Variants in SLCO3A1 observed in about 807,000 individuals in gnomAD.
SLCO3A1 encodes PGE1 transporter.
A neutral mutation model predicts 63.1 loss-of-function variants in SLCO3A1; 27 were observed. The observed-to-expected ratio is 0.43, with a 90% confidence interval of 0.32 to 0.59. The LOEUF is 0.59. SLCO3A1 is among the 20% of genes least tolerant of loss of function. The pLI is 0.09. For synonymous variants in SLCO3A1, 473 were observed against 409.9 expected (o/e 1.15, Z -1.86); for missense variants, 773 against 945.8 (o/e 0.82, Z 2.40).
intron 2 of SLCO3A1, among the ~76,000 whole-genome samples, chr15:92,021,397 CAG>C (rs1597229389): frequency 6.6e-6 from 1 of 152,164 alleles, no homozygotes; most frequent in African/African-American, 2.4e-5. Flanking sequence ...GAGACTGTTT[CAG>C]AGAGAGACAA....
intron 7 of SLCO3A1, among the ~76,000 whole-genome samples, chr15:92,142,039 C>G (rs2048140667): frequency 6.6e-6 from 1 of 152,226 alleles, no homozygotes; most frequent in Admixed American, 6.5e-5. Flanking sequence ...ACTCTGGCAT[C>G]TCCTACCCAG....
At chr15:92,019,005 C>G (rs1317926896) in intron 2 of SLCO3A1, among the ~76,000 whole-genome samples, 1 of 152,148 alleles carries the variant, frequency 6.6e-6, no homozygotes, top group African/African-American at 2.4e-5. Flanking sequence ...TGAACTGTTG[C>G]TGTGAACTCT....
chr15:91,934,065 G>T (rs1252397856), intron 2 of SLCO3A1, among the ~76,000 whole-genome samples: 2 of 152,090 alleles, frequency 1.3e-5, no homozygotes, highest in African/African-American at 2.4e-5. Context: ...GTTATTTCAT[G>T]GATGCTCAGA....
intron 2 of SLCO3A1, among the ~76,000 whole-genome samples, chr15:92,044,217 T>A (rs200177637): frequency 6.6e-6 from 1 of 152,152 alleles, no homozygotes; most frequent in Admixed American, 6.5e-5. Context: ...GCTTCCCTCC[T>A]ATCTCAGTGC....
chr15:92,165,668 C>T lies in SLCO3A1; in HGVS notation c.*2533C>T. The T allele has an allele frequency of 1.0e-6, 1 of 985,344 alleles. No individual in the cohort carries two copies. Among genetic ancestry groups the T allele is most frequent in the Non-Finnish European group, 1.2e-6 (1 of 829,894 alleles). 61.0% of individuals were successfully genotyped at this position (985,344 alleles called of 1,614,324 possible). On this transcript the variant is annotated 3_prime_UTR_variant, in exon 10 of 10. Transcript: ENST00000318445. Reference sequence around the variant, plus strand: ...TAAAGACCGCTGTTGCAGGATGGCTCTGAATTCTGTTGTGTCGTCTTTTAA... The same window carrying T: ...TAAAGACCGCTGTTGCAGGATGGCTTTGAATTCTGTTGTGTCGTCTTTTAA...
At position 91,954,556 on chromosome 15, in the gene SLCO3A1, C is replaced by G. The variant is rs1420613564; in HGVS notation, c.646+38098C>G. ...CCTGGTCAGGTGCCCCGCAGGCTTT[C>G]CTGAGAAGTGAATCCAGGCGCAGAA... On this transcript the variant is annotated intron_variant, in intron 2 of 9. Coordinates refer to ENST00000318445, the MANE Select transcript of SLCO3A1 (RefSeq NM_013272.4). The surrounding 1 kb of genome is among the most constrained non-coding windows in gnomAD (Gnocchi z 4.7). Among the ~76,000 whole-genome samples, 1 of 152,084 alleles carries G rather than the reference C, an allele frequency of 6.6e-6. No individual in the cohort carries two copies. The highest frequency in any genetic ancestry group is 2.4e-5 in the African/African-American group (1 of 41,392).
At chr15:92,154,320 G>A (rs2048344843) in intron 9 of SLCO3A1, among the ~76,000 whole-genome samples, 1 of 152,244 alleles carries the variant, frequency 6.6e-6, no homozygotes, top group Non-Finnish European at 1.5e-5. Flanking sequence ...TTATGAGACA[G>A]GAAGAAAGGA....
Position 92,159,498 on chromosome 15 carries a change from T to A in SLCO3A1, c.1754-3258T>A, listed in dbSNP as rs537647146. On this transcript the variant is annotated intron_variant, in intron 9 of 9. Coordinates refer to ENST00000318445, the MANE Select transcript of SLCO3A1 (RefSeq NM_013272.4). ...AACTCTGTCTCAAAAAAAAAAAAAA[T>A]TTATTTCATCTCTACCACAAATGCA... 6.6e-4 allele frequency among the ~76,000 whole-genome samples: 99 copies of A among 150,764 alleles called. 1 individual carries two copies. The highest frequency in any genetic ancestry group is 1.1e-3 in the Non-Finnish European group (72 of 67,800).
intron 7 of SLCO3A1, among the ~76,000 whole-genome samples, chr15:92,131,446 C>A (rs957872143): frequency 1.7e-5 from 2 of 115,890 alleles, no homozygotes; most frequent in Non-Finnish European, 4.1e-5. Flanking sequence ...CTCACTGCAA[C>A]CTCTGCCTCC....
Position 91,875,685 on chromosome 15 carries a change from A to G in SLCO3A1, c.180+21597A>G, listed in dbSNP as rs1897382493. Reference sequence around the variant, plus strand: ...CTTTGAAGGTTTTGCCGTAACTCACAATAGAGAAACACAGGATGACTGAAA... The same window carrying G: ...CTTTGAAGGTTTTGCCGTAACTCACGATAGAGAAACACAGGATGACTGAAA... On this transcript the variant is annotated intron_variant, in intron 1 of 9. Transcript: ENST00000318445. This position sits in a 1 kb window ranked among gnomAD's most constrained non-coding sequence, Gnocchi z 4.5. Among the ~76,000 whole-genome samples, 2 of 152,240 alleles carry G rather than the reference A, an allele frequency of 1.3e-5. No individual in the cohort carries two copies. The highest frequency in any genetic ancestry group is 4.8e-5 in the African/African-American group (2 of 41,458).
At chr15:91,945,399 A>G (rs1899771686) in intron 2 of SLCO3A1, among the ~76,000 whole-genome samples, 1 of 152,108 alleles carries the variant, frequency 6.6e-6, no homozygotes, top group Non-Finnish European at 1.5e-5. Context: ...AATGTGATGA[A>G]CAAAGGAGAT....
chr15:92,015,239 A>G (rs541178177), intron 2 of SLCO3A1, among the ~76,000 whole-genome samples: 1 of 152,200 alleles, frequency 6.6e-6, no homozygotes, highest in Admixed American at 6.5e-5. Flanking sequence ...GGGTGTATTC[A>G]TCCATTTTCA....
chr15:92,120,491 C>T lies in SLCO3A1; in HGVS notation c.1036C>T (p.Leu346Phe). ...RVIPKVTKHL[L>F]SNPVFTCIIL... ...GATCCCGAAGGTCACCAAGCACCTG[C>T]TCTCAAACCCTGTGTTCACCTGCAT... The change falls in exon 5 of 10, where the codon CTC becomes TTC. Residue 346 changes from leucine to phenylalanine, a missense_variant. Leu to Phe is a conservative substitution (Grantham distance 22). This residue lies in a region of SLCO3A1 where 565 missense variants were observed against 749.8 expected (regional missense o/e 0.75). Coordinates refer to ENST00000318445, the MANE Select transcript of SLCO3A1 (RefSeq NM_013272.4). The T allele has an allele frequency of 1.9e-6, 3 of 1,614,146 alleles. No individual in the cohort carries two copies. Among genetic ancestry groups the T allele is most frequent in the Non-Finnish European group, 2.5e-6 (3 of 1,179,992 alleles).
intron 1 of SLCO3A1, among the ~76,000 whole-genome samples, chr15:91,870,699 C>T (rs966582025): frequency 1.0e-4 from 15 of 147,222 alleles, no homozygotes; most frequent in African/African-American, 3.0e-4. Flanking sequence ...TGTTTTGCTT[C>T]GATTACTTGA....
intron 2 of SLCO3A1, among the ~76,000 whole-genome samples, chr15:92,068,904 C>A (rs1308453173): frequency 6.6e-6 from 1 of 152,218 alleles, no homozygotes; most frequent in Non-Finnish European, 1.5e-5. Flanking sequence ...ATTCGCCCCA[C>A]CTGTAACACG....
Position 92,163,012 on chromosome 15 carries a change from C to T in SLCO3A1, c.2010C>T (p.Ala670=). ...EGGLSTSEFF[A]STLTLDNLGR... is the part of the protein sequence containing the mutation. ...GGCTGAGCACCAGTGAGTTCTTTGC[C>T]TCTACTCTGACCCTAGACAACCTGG... Residue 670 remains alanine, a synonymous_variant, in exon 10 of 10, where the codon GCC becomes GCT. Coordinates refer to ENST00000318445, the MANE Select transcript of SLCO3A1 (RefSeq NM_013272.4). The T allele has an allele frequency of 6.2e-7, 1 of 1,611,544 alleles. No individual in the cohort carries two copies. Among genetic ancestry groups the T allele is most frequent in the Non-Finnish European group, 8.5e-7 (1 of 1,178,516 alleles).
intron 9 of SLCO3A1, chr15:92,153,415 G>GGGTTTTCC (rs2048332533): frequency 3.9e-5 from 6 of 152,176 alleles, no homozygotes; most frequent in African/African-American, 1.4e-4. Flanking sequence ...TGCTCTAGAA[G>GGGTTTTCC]ACTATGACAC....
intron 3 of SLCO3A1, among the ~76,000 whole-genome samples, chr15:92,097,426 C>T (rs994453186): frequency 1.3e-5 from 2 of 152,232 alleles, no homozygotes; most frequent in East Asian, 1.9e-4. Flanking sequence ...AGCCCATCCA[C>T]TCCCAGTTCC....
chr15:91,926,558 C>CGTGGGT (rs1899019234), intron 2 of SLCO3A1, among the ~76,000 whole-genome samples: 1 of 126,042 alleles, frequency 7.9e-6, no homozygotes, highest in African/African-American at 3.4e-5. Context: ...CCTGCCAAGC[C>CGTGGGT]GTGTGTGTGT....
Sources: allele counts gnomAD v4.1 joint callset (sites outside exome capture counted in the v4.1 genomes callset), GRCh38; gene constraint gnomAD v4.1.1; regional missense constraint gnomAD v4.1.1; non-coding constraint Gnocchi (gnomAD v3.1); transcripts MANE v1.5; gene names NCBI Gene and HGNC (gene_info 2026-07-23, HGNC 2026-07-21).